The following ZNF726 variants were observed in gnomAD, a reference collection of about 807,000 sequenced individuals.
ZNF726 encodes the protein zinc finger protein 92 pseudogene 3.
In ZNF726, 15 loss-of-function variants were observed where a neutral mutation model predicts 11.6. That is an observed-to-expected ratio of 1.29 (90% CI 0.86 to 1.99). The LOEUF is 1.99. Among genes scored for constraint, ZNF726 ranks in the 30% most tolerant of loss-of-function variants. ZNF726 has a pLI of 0.00. For synonymous variants in ZNF726, 295 were observed against 243.6 expected (o/e 1.21, Z -1.96); for missense variants, 890 against 725.6 (o/e 1.23, Z -2.60).
Position 23,934,407 on chromosome 19 carries a change from A to T in ZNF726, c.*440A>T. 6.2e-6 allele frequency: 3 copies of T among 484,454 alleles called. No homozygotes were observed. Among genetic ancestry groups the T allele is most frequent in the South Asian group, 4.7e-5 (3 of 64,166 alleles). The allele number at this position is 484,454 out of a possible 1,614,324, so 30.0% of individuals were successfully genotyped here. Reference sequence around the variant, plus strand: ...CCCTACAAATGTGAAAAATGTGTCAAAGCCTTTAAGCAGTCTTCAATCCTG... The same window carrying T: ...CCCTACAAATGTGAAAAATGTGTCATAGCCTTTAAGCAGTCTTCAATCCTG... On this transcript the variant is annotated 3_prime_UTR_variant, in exon 4 of 4. Coordinates refer to ENST00000594466, the MANE Select transcript of ZNF726 (RefSeq NM_001244038.2).
In ZNF726 at chr19:23,933,883, A is replaced by G; in HGVS notation, c.1767A>G (p.Gly589=). 1 of 1,591,096 alleles carries G rather than the reference A, an allele frequency of 6.3e-7. No homozygotes were observed. Among genetic ancestry groups the G allele is most frequent in the Non-Finnish European group, 8.6e-7 (1 of 1,168,552 alleles). Residue 589 remains glycine, a synonymous_variant, in exon 4 of 4, where the codon GGA becomes GGG. Coordinates refer to ENST00000594466, the MANE Select transcript of ZNF726 (RefSeq NM_001244038.2). The part of the protein sequence containing the change: ...NLSTHKIIHT[G]EKPYKCDECG... ...GTACGCATAAGATAATTCATACTGG[A>G]GAGAAACCTTACAAGTGTGACGAAT...
intron 3 of ZNF726, among the ~76,000 whole-genome samples, chr19:23,943,011 G>A (rs569558601): frequency 6.6e-6 from 1 of 152,160 alleles, no homozygotes; most frequent in South Asian, 2.1e-4. Context: ...GCATACTTTG[G>A]TGTTTTTTTT....
rs1968182065 is a variant in ZNF726 at position 23,933,992 on chromosome 19, A to T, written c.*25A>T. 3 of 1,579,466 alleles carry T rather than the reference A, an allele frequency of 1.9e-6. No individual in the cohort carries two copies. The highest frequency in any genetic ancestry group is 2.7e-5 in the African/African-American group (2 of 73,502). ...AGAGAAACCTTAAAAAGGGTAAAGA[A>T]TGTGGCAAAGCATTTATATGGTCCT... On this transcript the variant is annotated 3_prime_UTR_variant, in exon 4 of 4. Coordinates refer to ENST00000594466, the MANE Select transcript of ZNF726 (RefSeq NM_001244038.2).
At chr19:23,925,534 T>C (rs904279226) in intron 3 of ZNF726, among the ~76,000 whole-genome samples, 3 of 151,856 alleles carry the variant, frequency 2.0e-5, no homozygotes, top group African/African-American at 7.3e-5. Context: ...TTTGGTGTTT[T>C]CAAAAAATTG....
chr19:23,937,081 G>A (rs1459508265), downstream of ZNF726, among the ~76,000 whole-genome samples: 14 of 143,564 alleles, frequency 9.8e-5, 1 homozygote, highest in South Asian at 2.2e-4. Context: ...CTGGCCGGGC[G>A]GGGGGCTGAC....
rs1273790142 is a variant in ZNF726 at position 23,933,751 on chromosome 19, T to G, written c.1635T>G (p.Thr545=). ...ACAAATGTGAAGAATGTGGCAAAAC[T>G]TTTAATCAATCCTCAAATCTTAGTA... is the stretch of plus-strand genomic sequence containing the variant. The part of the protein sequence containing the change: ...KPYKCEECGK[T]FNQSSNLSTH... The change falls in exon 4 of 4, where the codon ACT becomes ACG. Residue 545 remains threonine, a synonymous_variant. Transcript: ENST00000594466. 6.2e-7 allele frequency: 1 copy of G among 1,610,384 alleles called. No individual in the cohort carries two copies. Among genetic ancestry groups the G allele is most frequent in the Non-Finnish European group, 8.5e-7 (1 of 1,179,456 alleles).
chr19:23,937,681 G>T (rs894937458), downstream of ZNF726, among the ~76,000 whole-genome samples: 1 of 151,970 alleles, frequency 6.6e-6, no homozygotes, highest in Non-Finnish European at 1.5e-5. Context: ...AGGCAGAGGG[G>T]CTCCTCACAT....
Position 23,914,920 on chromosome 19 carries a change from C to G in ZNF726, c.-75C>G. On this transcript the variant is annotated 5_prime_UTR_variant, in exon 1 of 4. Coordinates refer to ENST00000594466, the MANE Select transcript of ZNF726 (RefSeq NM_001244038.2). ...TGCGGCCGGAGCTCCAGGTCTCGTC[C>G]TCACTACTCTGTGTCTTCTGCTTTT... is the stretch of plus-strand genomic sequence containing the variant. 6.2e-7 allele frequency: 1 copy of G among 1,605,660 alleles called. No individual in the cohort carries two copies. Among genetic ancestry groups the G allele is most frequent in the African/African-American group, 1.3e-5 (1 of 74,878 alleles).
chr19:23,924,102 T>C (rs1413019343), intron 3 of ZNF726, among the ~76,000 whole-genome samples: 3 of 151,788 alleles, frequency 2.0e-5, no homozygotes, highest in Non-Finnish European at 4.4e-5. Flanking sequence ...TGAAGTGTAA[T>C]GCACGATCTT....
intron 2 of ZNF726, chr19:23,919,746 G>T: frequency 2.1e-6 from 1 of 483,226 alleles, no homozygotes; most frequent in Non-Finnish European, 3.3e-6. Flanking sequence ...ATAAAATATT[G>T]TTATTCACAC....
chr19:23,916,627 G>T (rs1389799281), intron 1 of ZNF726, among the ~76,000 whole-genome samples: 1 of 152,048 alleles, frequency 6.6e-6, no homozygotes, highest in African/African-American at 2.4e-5. Context: ...TACCGTGCCT[G>T]GTGAATTAAT....
intron 3 of ZNF726, among the ~76,000 whole-genome samples, chr19:23,926,154 A>AGT (rs563919545): frequency 9.9e-5 from 15 of 152,266 alleles, no homozygotes; most frequent in African/African-American, 3.6e-4. Flanking sequence ...AGTGTAGTGT[A>AGT]GTTAAATTTT....
chr19:23,933,559 C>G lies in ZNF726; in HGVS notation c.1443C>G (p.Tyr481Ter). Residue 481 changes from tyrosine to a stop codon, truncating the protein, a stop_gained, in exon 4 of 4, where the codon TAC becomes TAG. Coordinates refer to ENST00000594466, the MANE Select transcript of ZNF726 (RefSeq NM_001244038.2). LOFTEE classifies it low-confidence loss of function (END_TRUNC). ...HKRMHTGEKP[Y>*]KCEECGKAFS... ...GGATGCACACTGGAGAGAAACCCTA[C>G]AAATGTGAAGAATGTGGCAAAGCTT... 6.2e-7 allele frequency: 1 copy of G among 1,612,870 alleles called. No homozygotes were observed. The highest frequency in any genetic ancestry group is 2.2e-5 in the East Asian group (1 of 44,848).
chr19:23,930,823 C>G (rs1210960201), intron 3 of ZNF726, among the ~76,000 whole-genome samples: 2 of 151,868 alleles, frequency 1.3e-5, no homozygotes, highest in Admixed American at 6.6e-5. Context: ...TTTTGCTTGT[C>G]TAAAAAACAC....
chr19:23,931,578 T>C (rs1968106959), intron 3 of ZNF726, among the ~76,000 whole-genome samples: 1 of 152,224 alleles, frequency 6.6e-6, no homozygotes, highest in Non-Finnish European at 1.5e-5. Context: ...TTATAAGCTT[T>C]CAGTTTTTTA....
Position 23,933,627 on chromosome 19 carries a change from C to G in ZNF726, c.1511C>G (p.Thr504Ser). The G allele has an allele frequency of 6.2e-7, 1 of 1,612,554 alleles. No individual in the cohort carries two copies. The highest frequency in any genetic ancestry group is 8.5e-7 in the Non-Finnish European group (1 of 1,179,940). The change falls in exon 4 of 4, where the codon ACT becomes AGT. Residue 504 changes from threonine (T) to serine (S), a missense_variant. By Grantham distance (58) the Thr-to-Ser change is moderately conservative (BLOSUM62 1). Transcript: ENST00000594466. ...STLTAHKIIHTGEKPYKCEEC... is the reference protein window; with the variant it reads ...STLTAHKIIHSGEKPYKCEEC... ...CTTACTGCACATAAGATAATTCATA[C>G]TGGAGAGAAACCCTACAAATGTGAA...
At chr19:23,931,287 G>A (rs1466763333) in intron 3 of ZNF726, among the ~76,000 whole-genome samples, 3 of 152,116 alleles carry the variant, frequency 2.0e-5, no homozygotes, top group South Asian at 2.1e-4. Flanking sequence ...CCGCAACTGA[G>A]CTTCTTTATT....
Position 23,933,630 on chromosome 19 carries a change from G to C in ZNF726, c.1514G>C (p.Gly505Ala), listed in dbSNP as rs562525582. Residue 505 changes from glycine (G) to alanine (A), a missense_variant, in exon 4 of 4, where the codon GGA becomes GCA. Physicochemically the swap from Gly to Ala is moderately conservative, Grantham distance 60 (BLOSUM62 0). Transcript: ENST00000594466. ...ACTGCACATAAGATAATTCATACTGGAGAGAAACCCTACAAATGTGAAGAA... is the reference window on the plus strand; with the variant it reads ...ACTGCACATAAGATAATTCATACTGCAGAGAAACCCTACAAATGTGAAGAA... ...TLTAHKIIHTGEKPYKCEECG... is the reference protein window; with the variant it reads ...TLTAHKIIHTAEKPYKCEECG... The C allele has an allele frequency of 1.9e-6, 3 of 1,612,512 alleles. No individual in the cohort carries two copies. Among genetic ancestry groups the C allele is most frequent in the Admixed American group, 1.7e-5 (1 of 60,002 alleles).
chr19:23,932,229 G>T, intron 3 of ZNF726, 114 bp from the exon 4 acceptor site: 2 of 743,578 alleles, frequency 2.7e-6, no homozygotes, highest in Non-Finnish European at 3.8e-6. Flanking sequence ...AGGGTCTGTG[G>T]TATTTTGCAA....
Sources: gnomAD v4.1 joint callset for allele counts (sites outside exome capture counted in the v4.1 genomes callset) on GRCh38, gnomAD v4.1.1 for gene constraint, MANE v1.5 for transcripts, NCBI Gene and HGNC (gene_info 2026-07-23, HGNC 2026-07-21) for gene names.